Variants in ZFAND3 observed in about 807,000 individuals in gnomAD.
The protein encoded by ZFAND3 is AN1-type zinc finger protein 3.
A neutral mutation model predicts 29.6 loss-of-function variants in ZFAND3; 10 were observed. That is an observed-to-expected ratio of 0.34 (90% CI 0.21 to 0.57). The LOEUF (loss-of-function observed/expected upper bound fraction) is 0.57. ZFAND3 is among the 20% of genes least tolerant of loss of function. The pLI is 0.86. For synonymous variants in ZFAND3, 128 were observed against 112.6 expected, an observed-to-expected ratio of 1.14 and a Z score of -0.87; for missense variants, 230 against 304.5, an observed-to-expected ratio of 0.76 and a Z score of 1.82.
chr6:37,986,248 A>C (rs1356410999), intron 2 of ZFAND3, among the ~76,000 whole-genome samples: 1 of 152,140 alleles, frequency 6.6e-6, no homozygotes, highest in Non-Finnish European at 1.5e-5. Flanking sequence ...TGCCAGTCTA[A>C]ACTACTGCCT....
At chr6:38,050,294 G>T (rs572032565) in intron 2 of ZFAND3, among the ~76,000 whole-genome samples, 21 of 152,018 alleles carry the variant, frequency 1.4e-4, no homozygotes, top group African/African-American at 1.7e-4. Context: ...TCCCCTTCTA[G>T]AGATGGAGTT....
chr6:38,153,261 T>G lies in ZFAND3; in HGVS notation c.*872T>G, dbSNP rs747948608. 9.1e-6 allele frequency: 9 copies of G among 985,496 alleles called. No individual in the cohort carries two copies. The highest frequency in any genetic ancestry group is 1.1e-5 in the Non-Finnish European group (9 of 829,960). 61.0% of individuals were successfully genotyped at this position (985,496 alleles called of 1,614,324 possible). On this transcript the variant is annotated 3_prime_UTR_variant, in exon 6 of 6. Coordinates refer to ENST00000287218, the MANE Select transcript of ZFAND3 (RefSeq NM_021943.3). ...GGCCTCTGCAGCCAGATTTCTATAT[T>G]GGGAGTTTTTTAAAAAGACATTTCA...
intron 2 of ZFAND3, among the ~76,000 whole-genome samples, chr6:37,980,459 A>C: frequency 6.6e-6 from 1 of 152,106 alleles, no homozygotes; most frequent in East Asian, 1.9e-4. Context: ...TTTCCTGGTA[A>C]CCATCAACTC....
At chr6:37,927,458 AG>A (rs1160274229) in intron 1 of ZFAND3, among the ~76,000 whole-genome samples, 5 of 152,162 alleles carry the variant, frequency 3.3e-5, no homozygotes, top group Admixed American at 2.6e-4. Context: ...TGGAGATGAG[AG>A]GGGAGGGGAC....
At chr6:38,092,210 T>C (rs1247163180) in intron 4 of ZFAND3, among the ~76,000 whole-genome samples, 2 of 152,000 alleles carry the variant, frequency 1.3e-5, no homozygotes, top group East Asian at 3.9e-4. Flanking sequence ...TCAGAAGGAG[T>C]TGCTTATGTG....
At chr6:37,901,063 A>G (rs999220107) in intron 1 of ZFAND3, among the ~76,000 whole-genome samples, 13 of 152,134 alleles carry the variant, frequency 8.5e-5, no homozygotes, top group Admixed American at 7.9e-4. Context: ...ATTGGAATAA[A>G]TTCAATTTTA....
chr6:37,967,870 G>A (rs1328048867), intron 2 of ZFAND3, among the ~76,000 whole-genome samples: 2 of 151,890 alleles, frequency 1.3e-5, no homozygotes, highest in Admixed American at 1.3e-4. Flanking sequence ...CTTTTTTGAT[G>A]TAGTCACCCT....
chr6:38,011,945 T>C (rs1763160904), intron 2 of ZFAND3, among the ~76,000 whole-genome samples: 1 of 152,212 alleles, frequency 6.6e-6, no homozygotes, highest in South Asian at 2.1e-4. Flanking sequence ...TTGGAAACTA[T>C]AATATGAAAG....
Position 38,134,005 on chromosome 6 carries a change from C to G in ZFAND3, c.529+17266C>G, listed in dbSNP as rs143746538. 3.2e-3 allele frequency among the ~76,000 whole-genome samples: 482 copies of G among 152,222 alleles called. 2 individuals carry two copies. The highest frequency in any genetic ancestry group is 8.8e-3 in the African/African-American group (365 of 41,524). The stretch of plus-strand genomic sequence containing the variant: ...TTTAGTCCATTCCTTAACCACTTCC[C>G]CGTTTCAGAGATGCTTTTTATTGAA... On this transcript the variant is annotated intron_variant, in intron 5 of 5. Transcript: ENST00000287218.
chr6:38,023,376 T>A (rs765863230), intron 2 of ZFAND3, among the ~76,000 whole-genome samples: 41 of 152,170 alleles, frequency 2.7e-4, no homozygotes, highest in Admixed American at 5.2e-4. Context: ...GACATTTCAA[T>A]AACAACATGG....
intron 1 of ZFAND3, among the ~76,000 whole-genome samples, chr6:37,842,814 G>A (rs915785302): frequency 6.6e-6 from 1 of 152,056 alleles, no homozygotes; most frequent in Non-Finnish European, 1.5e-5. Context: ...TTCTGCTACA[G>A]GATGATCTTT....
Position 38,066,569 on chromosome 6 carries a change from T to C in ZFAND3, c.295+4794T>C, listed in dbSNP as rs1020552869. 6.6e-5 allele frequency among the ~76,000 whole-genome samples: 10 copies of C among 152,358 alleles called. No homozygotes were observed. In the South Asian group the frequency reaches 8.3e-4, roughly 13 times the overall value. ...TTTAGTAGTTATGGATCCATTGTTA[T>C]TGCATAGAGCTAGAAGTGCTACATT... On this transcript the variant is annotated intron_variant, in intron 3 of 5. Coordinates refer to ENST00000287218, the MANE Select transcript of ZFAND3 (RefSeq NM_021943.3).
intron 1 of ZFAND3, among the ~76,000 whole-genome samples, chr6:37,874,706 G>A (rs748008875): frequency 8.5e-5 from 13 of 152,166 alleles, no homozygotes; most frequent in Non-Finnish European, 1.8e-4. Flanking sequence ...GTTTAGGGTA[G>A]GGGAGGGACA....
In ZFAND3 at chr6:37,819,978, G is replaced by A; in HGVS notation, c.33G>A (p.Ala11=). 1.6e-6 allele frequency: 2 copies of A among 1,221,176 alleles called. No individual in the cohort carries two copies. Among genetic ancestry groups the A allele is most frequent in the Non-Finnish European group, 2.0e-6 (2 of 981,074 alleles). 75.6% of individuals were successfully genotyped at this position (1,221,176 alleles called of 1,614,324 possible). ...ACGCTGGGAGCGAGCGCAGCAAAGC[G>A]CCCAGCCTGCCGCCTCGCTGTCCCT... MGDAGSERSK[A]PSLPPRCPCG... Residue 11 remains alanine (A), a synonymous_variant, in exon 1 of 6, where the codon GCG becomes GCA. Transcript: ENST00000287218.
chr6:38,149,675 G>A (rs985650929), intron 5 of ZFAND3, among the ~76,000 whole-genome samples: 2 of 152,102 alleles, frequency 1.3e-5, no homozygotes, highest in South Asian at 2.1e-4. Context: ...ACTAGCTGGC[G>A]GAAGGCAAGC....
At chr6:37,832,191 G>A (rs1227593039) in intron 1 of ZFAND3, among the ~76,000 whole-genome samples, 1 of 152,172 alleles carries the variant, frequency 6.6e-6, no homozygotes, top group Admixed American at 6.5e-5. Context: ...GCAGCAGTAG[G>A]GGGCTGAAAA....
intron 3 of ZFAND3, among the ~76,000 whole-genome samples, chr6:38,068,806 T>C (rs1016853694): frequency 2.6e-5 from 4 of 152,228 alleles, no homozygotes; most frequent in African/African-American, 4.8e-5. Context: ...AGGTGCTGAC[T>C]GGATTTTCCT....
At position 37,898,164 on chromosome 6, in the gene ZFAND3, A is replaced by G. The variant is rs569704932; in HGVS notation, c.72-31795A>G. 4.3e-4 allele frequency among the ~76,000 whole-genome samples: 66 copies of G among 152,298 alleles called. No homozygotes were observed. In the Middle Eastern group the frequency reaches 0.01, roughly 24 times the overall value. The stretch of plus-strand genomic sequence containing the variant: ...TTCATTCTTCTAGTTTTATTGTTTT[A>G]TATTTCGCATTTGGGTCTACTGTAC... On this transcript the variant is annotated intron_variant, in intron 1 of 5. Transcript: ENST00000287218.
At chr6:37,937,676 C>CA (rs985987133) in intron 2 of ZFAND3, among the ~76,000 whole-genome samples, 7 of 88,208 alleles carry the variant, frequency 7.9e-5, no homozygotes, top group Non-Finnish European at 1.5e-4. Context: ...AAAAAAAAGG[C>CA]AAAAAAAGTA....
Sources: allele counts gnomAD v4.1 joint callset (sites outside exome capture counted in the v4.1 genomes callset), GRCh38; gene constraint gnomAD v4.1.1; transcripts MANE v1.5; gene names NCBI Gene and HGNC (gene_info 2026-07-23, HGNC 2026-07-21).